Variants in ARHGEF25 observed in about 807,000 individuals in gnomAD.
The protein encoded by ARHGEF25 is RAC/CDC42 exchange factor.
ARHGEF25 carries 42 observed loss-of-function variants against 74.0 expected under a neutral mutation model. That is an observed-to-expected ratio of 0.57 (90% CI 0.44 to 0.73). ARHGEF25 has a LOEUF of 0.73. Ranked by LOEUF, ARHGEF25 falls within the 30% of genes least tolerant of loss-of-function variation. The pLI is 0.00. For missense variants in ARHGEF25, 645 were observed against 725.5 expected (o/e 0.89, Z 1.27); for synonymous variants, 293 against 278.6 (o/e 1.05, Z -0.51).
At chr12:57,613,851 C>T (rs1032054197) in intron 5 of ARHGEF25, 91 bp downstream of exon 5, 97 of 1,535,690 alleles carry the variant, frequency 6.3e-5, no homozygotes, top group Non-Finnish European at 8.3e-5. Context: ...CTCCTCTGTC[C>T]CACCTCTCAA....
rs1237227344 is a variant in ARHGEF25 at position 57,615,687 on chromosome 12, G to T, written c.1214G>T (p.Gly405Val). The T allele has an allele frequency of 6.2e-7, 1 of 1,614,036 alleles. No homozygotes were observed. Among genetic ancestry groups the T allele is most frequent in the Non-Finnish European group, 8.5e-7 (1 of 1,180,040 alleles). The change falls in exon 12 of 15, where the codon GGA becomes GTA. Residue 405 changes from glycine (G) to valine (V), a missense_variant. Transcript: ENST00000286494. ...GGAGTGAGAGGTGGAACACAGCCTG[G>T]ATATGTATACAAGAACAGCATTAAG... ...GGGVRGGTQP[G>V]YVYKNSIKVS...
At chr12:57,616,177 T>C in intron 13 of ARHGEF25, 107 bp from the exon 14 acceptor site, 4 of 1,451,100 alleles carry the variant, frequency 2.8e-6, no homozygotes, top group Admixed American at 2.1e-5. Flanking sequence ...CCTAAGCAAT[T>C]GACATTGGCT....
upstream of ARHGEF25, chr12:57,610,263 T>TG (rs764059143): frequency 2.8e-5 from 43 of 1,530,958 alleles, no homozygotes; most frequent in African/African-American, 4.6e-4. Flanking sequence ...GACCGGATAC[T>TG]GGGGGTCATG....
At position 57,613,440 on chromosome 12, in the gene ARHGEF25, C is replaced by T; in HGVS notation, c.409C>T (p.Pro137Ser). 6.2e-7 allele frequency: 1 copy of T among 1,614,218 alleles called. No individual in the cohort carries two copies. The highest frequency in any genetic ancestry group is 8.5e-7 in the Non-Finnish European group (1 of 1,180,042). ...ACCCTAGGATGTTCTTTCCTTCCAG[C>T]CACCTGAAGAGGAGACTTTGTCCCA... is the stretch of plus-strand genomic sequence containing the variant. Reference protein sequence around the residue: ...LLEGPGDKTQPPEEETLSQAP... With the variant: ...LLEGPGDKTQSPEEETLSQAP... Residue 137 changes from proline (P) to serine (S), a missense_variant and splice_region_variant, in exon 4 of 15, where the codon CCA (proline) becomes TCA (serine). By Grantham distance (74) the Pro-to-Ser change is moderately conservative. Transcript: ENST00000286494.
chr12:57,616,250 G>T, intron 13 of ARHGEF25, 34 bp from the exon 14 acceptor site: 1 of 1,587,718 alleles, frequency 6.3e-7, no homozygotes, highest in African/African-American at 1.3e-5. Context: ...CTGTCTCTGC[G>T]GTAACCCTCC....
intron 1 of ARHGEF25, chr12:57,612,653 C>T (rs1041988001): frequency 8.2e-7 from 1 of 1,225,656 alleles, no homozygotes; most frequent in Non-Finnish European, 1.0e-6. Context: ...GCTGCCCCCA[C>T]CCCCATATCT....
At chr12:57,615,756 A>C (rs1306606372) in intron 12 of ARHGEF25, 44 bp downstream of exon 12, 1 of 1,612,752 alleles carries the variant, frequency 6.2e-7, no homozygotes, top group Admixed American at 1.7e-5. Flanking sequence ...GAGAGAGGGC[A>C]TGAGGCCTCT....
Position 57,615,228 on chromosome 12 carries a change from G to C in ARHGEF25, c.961-9G>C. 6.3e-7 allele frequency: 1 copy of C among 1,589,632 alleles called. No homozygotes were observed. Among genetic ancestry groups the C allele is most frequent in the Admixed American group, 1.8e-5 (1 of 55,412 alleles). ...GCCCAACAATGCGCCTCCCTCACCTGTGTCCCAGCAAGCTGTGGAGGTCAT... is the reference window on the plus strand; with the variant it reads ...GCCCAACAATGCGCCTCCCTCACCTCTGTCCCAGCAAGCTGTGGAGGTCAT... On this transcript the variant is annotated splice_polypyrimidine_tract_variant and intron_variant, in intron 10 of 14. Coordinates refer to ENST00000286494, the MANE Select transcript of ARHGEF25 (RefSeq NM_182947.4).
rs1228199341 is a variant in ARHGEF25, at chr12:57,616,356, G to C, written c.1493G>C (p.Gly498Ala). 8 of 1,614,112 alleles carry C rather than the reference G, an allele frequency of 5.0e-6. No homozygotes were observed. The highest frequency in any genetic ancestry group is 6.8e-6 in the Non-Finnish European group (8 of 1,180,024). ...AGCCTGGGGCGGCCAAGAGGGCCTG[G>C]AGTGGGGAGCCCTGGAAGAATTCAG... ...TNSLGRPRGP[G>A]VGSPGRIQLG... The change falls in exon 14 of 15, where the codon GGA becomes GCA. Residue 498 changes from glycine (G) to alanine (A), a missense_variant. Around this residue, in one of 3 missense-constraint regions of ARHGEF25, gnomAD observed 262 missense variants for 256.9 expected, o/e 1.02. Transcript: ENST00000286494.
chr12:57,613,031 T>A lies in ARHGEF25; in HGVS notation c.199T>A (p.Cys67Ser), dbSNP rs377531308. 4 of 1,614,142 alleles carry A rather than the reference T, an allele frequency of 2.5e-6. No individual in the cohort carries two copies. The highest frequency in any genetic ancestry group is 3.4e-6 in the Non-Finnish European group (4 of 1,180,002). Residue 67 changes from cysteine (C) to serine (S), a missense_variant, in exon 2 of 15, where the codon TGT becomes AGT. By Grantham distance (112) the Cys-to-Ser change is moderately radical. Coordinates refer to ENST00000286494, the MANE Select transcript of ARHGEF25 (RefSeq NM_182947.4). ...GPSSGLSSGP[C>S]SPGPPGPVSG... ...CAGCTCTGGCCTCAGCTCTGGCCCC[T>A]GTTCCCCAGGCCCCCCAGGGCCCGT...
Position 57,616,411 on chromosome 12 carries a change from C to T in ARHGEF25, c.1548C>T (p.His516=). The part of the protein sequence containing the change: ...QLGDQAQGST[H]TPINGSLPSL... ...GAGATCAGGCCCAGGGCAGCACACA[C>T]ACACCCATCAATGGCTCTCTCCCCT... is the stretch of plus-strand genomic sequence containing the variant. The change falls in exon 14 of 15, where the codon CAC becomes CAT. Residue 516 remains histidine (H), a synonymous_variant. Coordinates refer to ENST00000286494, the MANE Select transcript of ARHGEF25 (RefSeq NM_182947.4). The T allele has an allele frequency of 6.2e-7, 1 of 1,614,184 alleles. No homozygotes were observed. Among genetic ancestry groups the T allele is most frequent in the Admixed American group, 1.7e-5 (1 of 60,020 alleles).
intron 5 of ARHGEF25, 44 bp downstream of exon 5, chr12:57,613,804 C>T: frequency 6.2e-7 from 1 of 1,606,172 alleles, no homozygotes; most frequent in Non-Finnish European, 8.5e-7. Context: ...CCTGCTTTTC[C>T]ATCTGCCCAG....
upstream of ARHGEF25, chr12:57,610,798 A>G (rs1884008464): frequency 2.4e-6 from 2 of 833,294 alleles, no homozygotes; most frequent in Non-Finnish European, 3.5e-6. Flanking sequence ...CATGAGACCC[A>G]TTTAATCGCA....
chr12:57,610,672 G>A, upstream of ARHGEF25: 5 of 1,608,592 alleles, frequency 3.1e-6, no homozygotes, highest in African/African-American at 5.3e-5. Context: ...CCTCGCCGGG[G>A]CTCTGCAGCC....
chr12:57,616,633 C>T (rs1009005955), intron 14 of ARHGEF25, 138 bp downstream of exon 14: 61 of 1,011,034 alleles, frequency 6.0e-5, no homozygotes, highest in Middle Eastern at 2.2e-4. Context: ...CGCTTCTCCC[C>T]TCTATTTTAA....
chr12:57,616,001 A>T lies in ARHGEF25; in HGVS notation c.1404A>T (p.Gln468His). ...IKHVAQILES[Q>H]RDFLNALQSP... The stretch of plus-strand genomic sequence containing the variant: ...ATGTGGCTCAGATCTTGGAGAGCCA[A>T]CGGGACTTCCTCAACGGTGAAGCTC... Residue 468 changes from glutamine (Q) to histidine (H), a missense_variant, in exon 13 of 15, where the codon CAA (glutamine) becomes CAT (histidine). Coordinates refer to ENST00000286494, the MANE Select transcript of ARHGEF25 (RefSeq NM_182947.4). 6.2e-7 allele frequency: 1 copy of T among 1,612,634 alleles called. No homozygotes were observed. The highest frequency in any genetic ancestry group is 1.1e-5 in the South Asian group (1 of 90,890).
rs545830878 is a variant in ARHGEF25 at position 57,616,969 on chromosome 12, C to G, written c.*75C>G. On this transcript the variant is annotated 3_prime_UTR_variant, in exon 15 of 15. Coordinates refer to ENST00000286494, the MANE Select transcript of ARHGEF25 (RefSeq NM_182947.4). Reference sequence around the variant, plus strand: ...GAGCTTCAGGGCAGTCCTTCTGGCACTGCTCCAGAATTCCTCCTTCTTGGT... The same window carrying G: ...GAGCTTCAGGGCAGTCCTTCTGGCAGTGCTCCAGAATTCCTCCTTCTTGGT... 8.6e-7 allele frequency: 1 copy of G among 1,161,190 alleles called. No homozygotes were observed. The highest frequency in any genetic ancestry group is 1.3e-5 in the South Asian group (1 of 78,648). 71.9% of individuals were successfully genotyped at this position (1,161,190 alleles called of 1,614,324 possible). A position where few individuals can be genotyped will look rare whatever the true frequency, so the allele number is the denominator to read the frequency against.
chr12:57,614,894 C>T lies in ARHGEF25; in HGVS notation c.910-73C>T. 1 of 1,588,188 alleles carries T rather than the reference C, an allele frequency of 6.3e-7. No individual in the cohort carries two copies. Among genetic ancestry groups the T allele is most frequent in the Non-Finnish European group, 8.6e-7 (1 of 1,161,018 alleles). On this transcript the variant is annotated intron_variant, in intron 9 of 14. Transcript: ENST00000286494. This position sits in a 1 kb window ranked among gnomAD's most constrained non-coding sequence, Gnocchi z 4.6. Reference sequence around the variant, plus strand: ...ACTTCCTGAGGGCCCTCACTGGTGTCCTCAGGGGAGGATGTGAGAGCTTCT... The same window carrying T: ...ACTTCCTGAGGGCCCTCACTGGTGTTCTCAGGGGAGGATGTGAGAGCTTCT...
At chr12:57,616,258 T>A in intron 13 of ARHGEF25, 26 bp from the exon 14 acceptor site, 3 of 1,597,286 alleles carry the variant, frequency 1.9e-6, no homozygotes, top group Non-Finnish European at 2.6e-6. Flanking sequence ...GCGGTAACCC[T>A]CCTTCTGTTC....
Sources: allele counts gnomAD v4.1 joint callset, GRCh38; gene constraint gnomAD v4.1.1; regional missense constraint gnomAD v4.1.1; non-coding constraint Gnocchi (gnomAD v3.1); transcripts MANE v1.5; gene names NCBI Gene and HGNC (gene_info 2026-07-23, HGNC 2026-07-21).